Variants in FHIT observed in about 807,000 individuals in gnomAD.
The protein encoded by FHIT is fragile histidine triad diadenosine triphosphatase.
In FHIT, 19 loss-of-function variants were observed where a neutral mutation model predicts 17.9. That is an observed-to-expected ratio of 1.06 (90% confidence interval 0.74 to 1.56). The LOEUF (loss-of-function observed/expected upper bound fraction) is 1.56, where lower values mean the gene tolerates loss of function less well. Ranked by LOEUF, FHIT falls within the 40% of genes most tolerant of loss-of-function variation. The pLI is 0.00. For synonymous variants in FHIT, 81 were observed against 69.7 expected, an observed-to-expected ratio of 1.16 and a Z score of -0.81; for missense variants, 248 against 189.2, an observed-to-expected ratio of 1.31 and a Z score of -1.82.
intron 5 of FHIT, among the ~76,000 whole-genome samples, chr3:60,297,361 G>A (rs1708258479): frequency 6.6e-6 from 1 of 151,910 alleles, no homozygotes; most frequent in African/African-American, 2.4e-5. Context: ...TACATTTTTT[G>A]ATAGATTTTC....
rs185632088 is a variant in FHIT, at chr3:60,913,699, G to A, written c.-110-91688C>T. Among the ~76,000 whole-genome samples, 37 of 152,296 alleles carry A rather than the reference G, an allele frequency of 2.4e-4. No individual in the cohort carries two copies. In the Middle Eastern group the frequency reaches 0.01, roughly 42 times the overall value. On this transcript the variant is annotated intron_variant, in intron 3 of 9. Coordinates refer to ENST00000492590, the MANE Select transcript of FHIT (RefSeq NM_002012.4). Reference sequence around the variant, plus strand: ...ACGGCTCATCTCTGCTCCATATGGTGTTGACTGGGGTAGTTCAACACAGAC... The same window carrying A: ...ACGGCTCATCTCTGCTCCATATGGTATTGACTGGGGTAGTTCAACACAGAC...
At chr3:60,072,936 T>C (rs192576553) in intron 5 of FHIT, among the ~76,000 whole-genome samples, 8 of 152,312 alleles carry the variant, frequency 5.3e-5, no homozygotes, top group African/African-American at 9.6e-5. Context: ...TATCCTGTTA[T>C]AGGCTCATGG....
intron 5 of FHIT, among the ~76,000 whole-genome samples, chr3:60,112,806 G>A (rs960387041): frequency 6.6e-6 from 1 of 152,138 alleles, no homozygotes; most frequent in Non-Finnish European, 1.5e-5. Context: ...AGCAATCAAG[G>A]CTGCCACAGC....
intron 2 of FHIT, among the ~76,000 whole-genome samples, chr3:61,182,224 T>C (rs555384625): frequency 6.6e-6 from 1 of 152,332 alleles, no homozygotes; most frequent in South Asian, 2.1e-4. Flanking sequence ...TTAAATTCTC[T>C]TATTAGGATA....
intron 7 of FHIT, among the ~76,000 whole-genome samples, chr3:59,923,028 G>A (rs6797791): frequency 0.012 from 1,795 of 151,986 alleles, 39 homozygotes; most frequent in African/African-American, 0.041. Flanking sequence ...GGGAGGCCGA[G>A]GTGGGCGGAT....
intron 8 of FHIT, among the ~76,000 whole-genome samples, chr3:59,916,008 A>T (rs1705118826): frequency 6.6e-6 from 1 of 152,062 alleles, no homozygotes; most frequent in Admixed American, 6.6e-5. Context: ...ATTGAGTGTC[A>T]ACTTGATTGG....
intron 5 of FHIT, among the ~76,000 whole-genome samples, chr3:60,332,841 A>G (rs1230159427): frequency 1.3e-5 from 2 of 152,214 alleles, no homozygotes; most frequent in African/African-American, 4.8e-5. Flanking sequence ...TAGAGATGCT[A>G]TCACAGCCAA....
intron 5 of FHIT, among the ~76,000 whole-genome samples, chr3:60,436,251 T>C (rs1282195303): frequency 6.6e-6 from 1 of 151,986 alleles, no homozygotes; most frequent in Non-Finnish European, 1.5e-5. Flanking sequence ...GATTTCACCA[T>C]GTTGGCCAGG....
chr3:60,766,108 A>G (rs1023455400), intron 4 of FHIT, among the ~76,000 whole-genome samples: 25 of 152,180 alleles, frequency 1.6e-4, no homozygotes, highest in Non-Finnish European at 2.5e-4. Flanking sequence ...GGTGTGAGCC[A>G]ACTCTTCCTA....
chr3:60,766,477 G>T (rs533213840), intron 4 of FHIT, among the ~76,000 whole-genome samples: 1 of 100,216 alleles, frequency 1.0e-5, no homozygotes, highest in East Asian at 2.1e-4. Context: ...GGGAGGACCT[G>T]GGAGTTTACC....
chr3:60,568,654 T>G (rs576919726), intron 4 of FHIT, among the ~76,000 whole-genome samples: 1 of 152,132 alleles, frequency 6.6e-6, no homozygotes, highest in Non-Finnish European at 1.5e-5. Flanking sequence ...TCCCAACACT[T>G]TGAGAAACAG....
chr3:61,172,668 G>A (rs1310912584), intron 2 of FHIT, among the ~76,000 whole-genome samples: 1 of 145,836 alleles, frequency 6.9e-6, no homozygotes, highest in African/African-American at 2.5e-5. Flanking sequence ...AGATGGTTAT[G>A]TGACTATGTC....
intron 5 of FHIT, among the ~76,000 whole-genome samples, chr3:60,490,067 C>T (rs2033999332): frequency 6.6e-6 from 1 of 152,130 alleles, no homozygotes. Context: ...TGGCAAAGTG[C>T]TGTAACTCGG....
chr3:60,149,985 CCTTTTTTT>C (rs1700395165), intron 5 of FHIT, among the ~76,000 whole-genome samples: 5 of 50,934 alleles, frequency 9.8e-5, no homozygotes, highest in Non-Finnish European at 1.2e-4. Flanking sequence ...AACCTTTAAG[CCTTTTTTT>C]TTTTTTTTTT....
At chr3:60,697,733 G>A (rs577726949) in intron 4 of FHIT, among the ~76,000 whole-genome samples, 2 of 152,046 alleles carry the variant, frequency 1.3e-5, no homozygotes, top group African/African-American at 4.8e-5. Flanking sequence ...CATGGTTTCT[G>A]ACCCCTTGTG....
intron 5 of FHIT, among the ~76,000 whole-genome samples, chr3:60,110,065 T>C (rs1704602954): frequency 6.6e-6 from 1 of 152,170 alleles, no homozygotes; most frequent in African/African-American, 2.4e-5. Context: ...AGCCCAATGT[T>C]ATGGCTATAA....
intron 3 of FHIT, among the ~76,000 whole-genome samples, chr3:60,841,863 TA>T (rs1190774542): frequency 4.6e-5 from 7 of 151,726 alleles, no homozygotes; most frequent in East Asian, 3.9e-4. Flanking sequence ...TACTAAATAT[TA>T]AAAAAAAATT....
intron 2 of FHIT, among the ~76,000 whole-genome samples, chr3:61,110,758 C>T (rs1559990105): frequency 6.6e-6 from 1 of 152,120 alleles, no homozygotes; most frequent in Non-Finnish European, 1.5e-5. Flanking sequence ...TGTTTGAGTG[C>T]TTTGAGCTCT....
At chr3:60,508,167 G>C (rs535790609) in intron 5 of FHIT, among the ~76,000 whole-genome samples, 1 of 152,222 alleles carries the variant, frequency 6.6e-6, no homozygotes, top group Admixed American at 6.5e-5. Context: ...CTTGGATTAG[G>C]GCACTGGCAT....
Sources: allele counts gnomAD v4.1 joint callset (sites outside exome capture counted in the v4.1 genomes callset), GRCh38; gene constraint gnomAD v4.1.1; transcripts MANE v1.5; gene names NCBI Gene and HGNC (gene_info 2026-07-23, HGNC 2026-07-21).